GALNT13: variants seen among roughly 807,000 people sequenced by gnomAD.
The protein encoded by GALNT13 is UDP-GalNAc:polypeptide N-acetylgalactosaminyltransferase 13.
GALNT13 carries 28 observed loss-of-function variants against 64.2 expected under a neutral mutation model. The observed-to-expected ratio is 0.44, with a 90% CI of 0.32 to 0.60. GALNT13 has a LOEUF of 0.60. Ranked by LOEUF, GALNT13 falls within the 20% of genes least tolerant of loss-of-function variation. The pLI, the probability that GALNT13 is intolerant of heterozygous loss-of-function variation, is 0.05. For missense variants in GALNT13, 577 were observed against 669.8 expected (o/e 0.86, Z 1.53); for synonymous variants, 214 against 224.6 (o/e 0.95, Z 0.42).
chr2:153,781,437 C>T, the GALNT13 span, among the ~76,000 whole-genome samples: 19 of 152,122 alleles, frequency 1.2e-4, no homozygotes, highest in East Asian at 3.5e-3. Flanking sequence ...ACACATCTGT[C>T]GAGAATTGAT....
At chr2:153,652,974 A>T in the GALNT13 span, among the ~76,000 whole-genome samples, 1 of 152,264 alleles carries the variant, frequency 6.6e-6, no homozygotes, top group Admixed American at 6.5e-5. Flanking sequence ...ATATATATAC[A>T]TATATATGCA....
chr2:153,238,412 A>T, the GALNT13 span, among the ~76,000 whole-genome samples: 1 of 151,988 alleles, frequency 6.6e-6, no homozygotes, highest in African/African-American at 2.4e-5. Flanking sequence ...CACCTAGTTC[A>T]GTATCCTGGA....
the GALNT13 span, among the ~76,000 whole-genome samples, chr2:153,619,872 T>G: frequency 2.6e-5 from 4 of 152,108 alleles, no homozygotes; most frequent in Non-Finnish European, 5.9e-5. Context: ...TTTACAATCC[T>G]TTTTTAAAAA....
At chr2:153,119,167 T>G in the GALNT13 span, among the ~76,000 whole-genome samples, 4 of 152,252 alleles carry the variant, frequency 2.6e-5, no homozygotes, top group African/African-American at 9.6e-5. Flanking sequence ...CAATTAAACC[T>G]CTTTCCTTTA....
the GALNT13 span, among the ~76,000 whole-genome samples, chr2:153,099,164 G>A: frequency 3.9e-5 from 6 of 152,092 alleles, no homozygotes; most frequent in South Asian, 2.1e-4. Context: ...TCCTTGTAGT[G>A]TGTATCACAC....
chr2:154,418,810 C>T (rs1291234087), intron 11 of GALNT13, among the ~76,000 whole-genome samples: 2 of 152,148 alleles, frequency 1.3e-5, no homozygotes, highest in Non-Finnish European at 2.9e-5. Context: ...TTCTAAGATA[C>T]TAAACCTTCC....
At chr2:153,766,276 A>G in the GALNT13 span, among the ~76,000 whole-genome samples, 1 of 151,414 alleles carries the variant, frequency 6.6e-6, no homozygotes, top group African/African-American at 2.4e-5. Flanking sequence ...ATCTCTTGCT[A>G]TTTTCATAAC....
intron 12 of GALNT13, among the ~76,000 whole-genome samples, chr2:154,448,926 G>C (rs989467085): frequency 9.2e-5 from 14 of 151,984 alleles, no homozygotes; most frequent in Non-Finnish European, 1.3e-4. Context: ...TTTTGAAAGA[G>C]AATATATACA....
chr2:154,200,599 G>T (rs1398498579), intron 4 of GALNT13, among the ~76,000 whole-genome samples: 1 of 152,164 alleles, frequency 6.6e-6, no homozygotes, highest in Non-Finnish European at 1.5e-5. Context: ...GCTTGTTGCT[G>T]CATTATCTGG....
At chr2:153,629,603 C>T in the GALNT13 span, among the ~76,000 whole-genome samples, 1 of 152,224 alleles carries the variant, frequency 6.6e-6, no homozygotes, top group East Asian at 1.9e-4. Context: ...GACTTCATGT[C>T]TAAAACACCA....
At chr2:153,269,707 T>G in the GALNT13 span, among the ~76,000 whole-genome samples, 1 of 130,332 alleles carries the variant, frequency 7.7e-6, no homozygotes, top group Non-Finnish European at 1.6e-5. Flanking sequence ...GACTGGGTAA[T>G]TTATAAACAA....
the GALNT13 span, among the ~76,000 whole-genome samples, chr2:153,218,399 C>T: frequency 1.3e-5 from 2 of 152,168 alleles, no homozygotes; most frequent in Non-Finnish European, 2.9e-5. Flanking sequence ...TGTATTTCTG[C>T]CCTTCCTCTT....
chr2:154,355,866 T>A (rs1211211497), intron 9 of GALNT13, among the ~76,000 whole-genome samples: 1 of 152,046 alleles, frequency 6.6e-6, no homozygotes, highest in Non-Finnish European at 1.5e-5. Flanking sequence ...TGTACCAGTG[T>A]ACCAAGAAGA....
chr2:153,792,940 G>A, the GALNT13 span, among the ~76,000 whole-genome samples: 9 of 149,110 alleles, frequency 6.0e-5, no homozygotes, highest in African/African-American at 7.4e-5. Context: ...CAACTTTGGC[G>A]TTCTGAGGTA....
At chr2:153,723,075 T>C in the GALNT13 span, among the ~76,000 whole-genome samples, 8 of 150,116 alleles carry the variant, frequency 5.3e-5, no homozygotes, top group African/African-American at 1.5e-4. Flanking sequence ...GCAAACCGAA[T>C]CCAGCAGCAC....
the GALNT13 span, among the ~76,000 whole-genome samples, chr2:153,121,749 G>A: frequency 7.9e-5 from 12 of 152,182 alleles, no homozygotes; most frequent in African/African-American, 2.9e-4. Context: ...GGCCAGGATG[G>A]TCTGGAACTC....
rs1448928543 is a variant in GALNT13 at position 154,162,656 on chromosome 2, T to C, written c.311+22151T>C. ...TTTTATATATGCATTATTTGTGTCT[T>C]ATAAAGAACAGTGTTAGATAAAGAG... is the stretch of plus-strand genomic sequence containing the variant. On this transcript the variant is annotated intron_variant, in intron 4 of 12. Transcript: ENST00000392825. Among the ~76,000 whole-genome samples, 4 of 152,206 alleles carry C rather than the reference T, an allele frequency of 2.6e-5. No homozygotes were observed. In the East Asian group the frequency reaches 7.7e-4, roughly 29 times the overall value.
intron 3 of GALNT13, among the ~76,000 whole-genome samples, chr2:153,999,220 G>C (rs1437454800): frequency 6.7e-6 from 1 of 149,344 alleles, no homozygotes; most frequent in Non-Finnish European, 1.5e-5. Context: ...CAATGGAACA[G>C]AACAGAGGCC....
At chr2:154,328,289 A>G (rs1694985015) in intron 9 of GALNT13, among the ~76,000 whole-genome samples, 1 of 152,010 alleles carries the variant, frequency 6.6e-6, no homozygotes, top group Non-Finnish European at 1.5e-5. Flanking sequence ...CTTGCTTTTG[A>G]TCTTTTATAT....
Sources: gnomAD v4.1 joint callset for allele counts (sites outside exome capture counted in the v4.1 genomes callset) on GRCh38, gnomAD v4.1.1 for gene constraint, MANE v1.5 for transcripts, NCBI Gene and HGNC (gene_info 2026-07-23, HGNC 2026-07-21) for gene names.